The following GUCY2C variants were observed in gnomAD, a reference collection of about 807,000 sequenced individuals.
GUCY2C encodes guanylyl cyclase C.
GUCY2C carries 118 observed loss-of-function variants against 131.1 expected under a neutral mutation model. That is an observed-to-expected ratio of 0.90 (90% CI 0.78 to 1.05). The LOEUF is 1.05. Among genes scored for constraint, GUCY2C ranks in the 50% least tolerant of loss-of-function variants. The probability of loss-of-function intolerance (pLI) is 0.00; values close to 1 mark genes in which losing one functional copy is unlikely to be tolerated. For missense variants in GUCY2C, 1,161 were observed against 1,304.4 expected (o/e 0.89, Z 1.69); for synonymous variants, 452 against 457.8 (o/e 0.99, Z 0.16).
chr12:14,673,534 CTG>C (rs1948159095), intron 8 of GUCY2C, among the ~76,000 whole-genome samples: 1 of 152,150 alleles, frequency 6.6e-6, no homozygotes, highest in Non-Finnish European at 1.5e-5. Flanking sequence ...ATACCAGGCT[CTG>C]TGCTAAGTGA....
chr12:14,681,303 G>A, intron 5 of GUCY2C, 53 bp downstream of exon 5: 1 of 1,507,088 alleles, frequency 6.6e-7, no homozygotes. Context: ...ATAAGGAGGT[G>A]GTAGTCATAA....
At chr12:14,667,239 T>C (rs1198395256) in intron 10 of GUCY2C, among the ~76,000 whole-genome samples, 11 of 152,150 alleles carry the variant, frequency 7.2e-5, no homozygotes, top group Admixed American at 7.2e-4. Flanking sequence ...TAATTTGAAC[T>C]CAAAAAGTTA....
chr12:14,677,144 A>G (rs1407807280), intron 6 of GUCY2C, among the ~76,000 whole-genome samples, 173 bp from the exon 7 acceptor site: 1 of 152,224 alleles, frequency 6.6e-6, no homozygotes, highest in Non-Finnish European at 1.5e-5. Context: ...TGTGCTTGTT[A>G]GGTTAAATAA....
intron 1 of GUCY2C, among the ~76,000 whole-genome samples, chr12:14,692,922 A>G (rs958166409): frequency 6.6e-6 from 1 of 152,168 alleles, no homozygotes; most frequent in African/African-American, 2.4e-5. Flanking sequence ...ATAGTATAAT[A>G]TGCTGCCTCT....
At position 14,681,392 on chromosome 12, in the gene GUCY2C, G is replaced by A; in HGVS notation, c.697C>T (p.Gln233Ter). 1 of 1,612,416 alleles carries A rather than the reference G, an allele frequency of 6.2e-7. No homozygotes were observed. The highest frequency in any genetic ancestry group is 8.5e-7 in the Non-Finnish European group (1 of 1,178,588). Reference sequence around the variant, plus strand: ...CTGTTGTGGTCCATTAAGATATCCTGAAACTCCTTATCTTGTCTTAACACC... The same window carrying A: ...CTGTTGTGGTCCATTAAGATATCCTAAAACTCCTTATCTTGTCTTAACACC... ...KVVLRQDKEF[Q>*]DILMDHNRKS... The change falls in exon 5 of 27, where the codon CAG (glutamine) becomes TAG (stop). Residue 233 changes from glutamine (Q) to a stop codon, truncating the protein, a stop_gained. Coordinates refer to ENST00000261170, the MANE Select transcript of GUCY2C (RefSeq NM_004963.4). LOFTEE classifies it high-confidence loss of function.
At chr12:14,680,776 G>A (rs1301320799) in intron 5 of GUCY2C, among the ~76,000 whole-genome samples, 1 of 152,126 alleles carries the variant, frequency 6.6e-6, no homozygotes, top group Non-Finnish European at 1.5e-5. Context: ...CTCCTAGGCA[G>A]TGTACGCTGT....
At chr12:14,617,795 C>A (rs12304530) in intron 24 of GUCY2C, among the ~76,000 whole-genome samples, 7,118 of 152,244 alleles carry the variant, frequency 0.047, 220 homozygotes, top group Non-Finnish European at 0.073. Context: ...ATTTCAGAAA[C>A]CCTCTTGGCA....
At chr12:14,630,759 T>A (rs1947125700) in intron 19 of GUCY2C, among the ~76,000 whole-genome samples, 1 of 152,212 alleles carries the variant, frequency 6.6e-6, no homozygotes, top group South Asian at 2.1e-4. Context: ...TGCTGAGTGA[T>A]CTAGTTTCGA....
Position 14,688,051 on chromosome 12 carries a change from G to A in GUCY2C, c.230C>T (p.Thr77Ile). 6.2e-7 allele frequency: 1 copy of A among 1,609,142 alleles called. No individual in the cohort carries two copies. The highest frequency in any genetic ancestry group is 8.5e-7 in the Non-Finnish European group (1 of 1,175,482). ...GRLQNAGLNV[T>I]VNATFMYSDG... Reference sequence around the variant, plus strand: ...CGAATACATGAAAGTAGCGTTCACAGTCACATTTAGGCCTGTCGCCCAGAG... The same window carrying A: ...CGAATACATGAAAGTAGCGTTCACAATCACATTTAGGCCTGTCGCCCAGAG... The change falls in exon 2 of 27, where the codon ACT becomes ATT. Residue 77 changes from threonine to isoleucine, a missense_variant. By Grantham distance (89) the Thr-to-Ile change is moderately conservative (BLOSUM62 -1). Transcript: ENST00000261170.
chr12:14,674,101 A>C (rs1323066554), intron 8 of GUCY2C, among the ~76,000 whole-genome samples: 2 of 152,204 alleles, frequency 1.3e-5, no homozygotes, highest in Non-Finnish European at 2.9e-5. Flanking sequence ...TCTCAGGATG[A>C]GATCTGGGAA....
At chr12:14,667,664 AAT>A (rs1948009104) in intron 10 of GUCY2C, among the ~76,000 whole-genome samples, 1 of 152,194 alleles carries the variant, frequency 6.6e-6, no homozygotes. Context: ...CTGGTATAAA[AAT>A]ATTTGTAGCT....
At chr12:14,667,428 A>G (rs1276933089) in intron 10 of GUCY2C, among the ~76,000 whole-genome samples, 1 of 152,182 alleles carries the variant, frequency 6.6e-6, no homozygotes, top group Non-Finnish European at 1.5e-5. Flanking sequence ...AGGATTGCTT[A>G]TTGTCTAGAA....
chr12:14,675,539 T>G (rs138226887), intron 7 of GUCY2C, among the ~76,000 whole-genome samples: 256 of 152,222 alleles, frequency 1.7e-3, no homozygotes, highest in Middle Eastern at 3.4e-3. Flanking sequence ...GTATTCTGAG[T>G]GGAACATGAG....
intron 10 of GUCY2C, among the ~76,000 whole-genome samples, chr12:14,668,539 A>G (rs1326301773): frequency 1.3e-5 from 2 of 151,768 alleles, no homozygotes; most frequent in African/African-American, 2.4e-5. Flanking sequence ...TCTGGCCTCA[A>G]GCAATCCTCC....
chr12:14,694,050 G>A (rs746509278), intron 1 of GUCY2C, among the ~76,000 whole-genome samples: 44 of 152,178 alleles, frequency 2.9e-4, no homozygotes, highest in Non-Finnish European at 1.0e-4. Flanking sequence ...AGTGAAGGAG[G>A]TACTTTATAT....
At chr12:14,632,830 T>C (rs1311015082) in intron 19 of GUCY2C, among the ~76,000 whole-genome samples, 1 of 152,026 alleles carries the variant, frequency 6.6e-6, no homozygotes, top group African/African-American at 2.4e-5. Flanking sequence ...AGTCCACCAC[T>C]GTTGGCACCT....
intron 4 of GUCY2C, 96 bp downstream of exon 4, chr12:14,682,946 A>C: frequency 1.3e-6 from 1 of 756,732 alleles, no homozygotes; most frequent in Admixed American, 2.0e-5. Flanking sequence ...TGCTGTTACC[A>C]GTGGAAGGTG....
intron 15 of GUCY2C, among the ~76,000 whole-genome samples, chr12:14,647,542 C>T (rs1213950958): frequency 6.6e-6 from 1 of 152,118 alleles, no homozygotes; most frequent in Non-Finnish European, 1.5e-5. Flanking sequence ...ATGATTTCAG[C>T]TTCCAAAAGT....
At chr12:14,625,649 A>G in intron 21 of GUCY2C, 108 bp downstream of exon 21, 1 of 1,199,714 alleles carries the variant, frequency 8.3e-7, no homozygotes, top group Non-Finnish European at 1.2e-6. Context: ...GCATTTTAAA[A>G]CCAATAATCT....
Sources: gnomAD v4.1 joint callset for allele counts (sites outside exome capture counted in the v4.1 genomes callset) on GRCh38, gnomAD v4.1.1 for gene constraint, MANE v1.5 for transcripts, NCBI Gene and HGNC (gene_info 2026-07-23, HGNC 2026-07-21) for gene names.